GALNTL5: variants seen among roughly 807,000 people sequenced by gnomAD.
The protein encoded by GALNTL5 is inactive polypeptide N-acetylgalactosaminyltransferase-like protein 5.
Under a neutral mutation model 51.0 loss-of-function variants are expected in GALNTL5, and 44 were observed. The ratio of observed to expected loss-of-function variants is 0.86; its 90% CI spans 0.68 to 1.11. The LOEUF (loss-of-function observed/expected upper bound fraction) is 1.11. Among genes scored for constraint, GALNTL5 ranks in the 50% least tolerant of loss-of-function variants. The probability of loss-of-function intolerance (pLI) is 0.00; values close to 1 mark genes in which losing one functional copy is unlikely to be tolerated. For missense variants in GALNTL5, 528 were observed against 531.8 expected (o/e 0.99, Z 0.07); for synonymous variants, 192 against 182.8 (o/e 1.05, Z -0.41).
At chr7:151,967,113 T>A (rs2081070058) in intron 1 of GALNTL5, 95 bp from the exon 2 acceptor site, 2 of 730,194 alleles carry the variant, frequency 2.7e-6, no homozygotes, top group African/African-American at 3.5e-5. Flanking sequence ...AACGTGATTG[T>A]TTTTAAAACA....
chr7:151,958,049 C>T (rs1319983712), intron 1 of GALNTL5, among the ~76,000 whole-genome samples: 1 of 152,112 alleles, frequency 6.6e-6, no homozygotes. Context: ...GAGAATTCCC[C>T]CCAAGTTTTC....
intron 6 of GALNTL5, among the ~76,000 whole-genome samples, chr7:152,005,013 C>T (rs1244746192): frequency 2.0e-5 from 3 of 152,138 alleles, no homozygotes; most frequent in African/African-American, 7.2e-5. Context: ...ACTTTTAGTT[C>T]GTTGAGAAAT....
intron 2 of GALNTL5, among the ~76,000 whole-genome samples, chr7:151,968,469 G>A (rs1020969762): frequency 1.3e-5 from 2 of 152,094 alleles, no homozygotes; most frequent in African/African-American, 4.8e-5. Context: ...GGTAGGTGTG[G>A]GCCTGAAACC....
intron 7 of GALNTL5, 108 bp downstream of exon 7, chr7:152,008,052 C>T: frequency 1.5e-6 from 1 of 677,836 alleles, no homozygotes; most frequent in Non-Finnish European, 2.6e-6. Flanking sequence ...CATCCAGTAC[C>T]ATTCCAGCAG....
At chr7:151,976,315 C>A (rs2081204199) in intron 3 of GALNTL5, among the ~76,000 whole-genome samples, 1 of 152,236 alleles carries the variant, frequency 6.6e-6, no homozygotes, top group Non-Finnish European at 1.5e-5. Context: ...ATATTACCAA[C>A]TGGCAATATA....
intron 5 of GALNTL5, among the ~76,000 whole-genome samples, chr7:151,996,203 T>A (rs7800369): frequency 1.7e-4 from 26 of 151,944 alleles, no homozygotes; most frequent in South Asian, 6.2e-4. Flanking sequence ...TCTTTTTTTT[T>A]AATTTTATTT....
chr7:151,978,063 T>C (rs546538352), intron 3 of GALNTL5, among the ~76,000 whole-genome samples: 1 of 152,282 alleles, frequency 6.6e-6, no homozygotes, highest in South Asian at 2.1e-4. Flanking sequence ...TTCATTTTTA[T>C]TTCTTTTGGT....
chr7:151,974,413 G>A (rs1432559970), intron 3 of GALNTL5, among the ~76,000 whole-genome samples: 1 of 152,046 alleles, frequency 6.6e-6, no homozygotes, highest in Non-Finnish European at 1.5e-5. Flanking sequence ...AGACAAAAAG[G>A]GCCAATATTC....
chr7:151,974,980 A>G (rs976646024), intron 3 of GALNTL5, among the ~76,000 whole-genome samples: 2 of 152,212 alleles, frequency 1.3e-5, no homozygotes, highest in Admixed American at 1.3e-4. Flanking sequence ...AACTACCACT[A>G]TCTGGAGTCC....
intron 2 of GALNTL5, among the ~76,000 whole-genome samples, chr7:151,969,563 G>A (rs1287899154): frequency 2.0e-5 from 3 of 151,840 alleles, no homozygotes; most frequent in Admixed American, 6.6e-5. Flanking sequence ...ATCCCTCCCC[G>A]GTTCCTCATA....
intron 3 of GALNTL5, among the ~76,000 whole-genome samples, chr7:151,981,283 T>C (rs2081282184): frequency 6.6e-6 from 1 of 152,204 alleles, no homozygotes; most frequent in Admixed American, 6.5e-5. Context: ...AATCATGTAA[T>C]GCGCCTTCTA....
intron 5 of GALNTL5, among the ~76,000 whole-genome samples, chr7:151,988,486 A>G (rs2081388338): frequency 6.6e-6 from 1 of 152,172 alleles, no homozygotes; most frequent in South Asian, 2.1e-4. Context: ...GAATGGAAGG[A>G]CAAAAGAAAA....
intron 7 of GALNTL5, among the ~76,000 whole-genome samples, chr7:152,012,438 A>G (rs528723916): frequency 8.8e-3 from 133 of 15,146 alleles, no homozygotes; most frequent in African/African-American, 0.042. Context: ...AGAGAAGGGA[A>G]TGCTATACTC....
intron 7 of GALNTL5, among the ~76,000 whole-genome samples, chr7:152,012,881 C>T (rs560046630): frequency 1.3e-5 from 2 of 152,106 alleles, no homozygotes; most frequent in African/African-American, 4.8e-5. Flanking sequence ...GCATGAGAAT[C>T]GCTTGAACCT....
intron 3 of GALNTL5, among the ~76,000 whole-genome samples, chr7:151,973,300 CAA>C (rs150890373): frequency 8.4e-5 from 11 of 130,562 alleles, no homozygotes; most frequent in African/African-American, 1.7e-4. Context: ...ACTAAAAATA[CAA>C]AAAAAAAAAA....
chr7:151,968,307 AT>A (rs1315715437), intron 2 of GALNTL5, among the ~76,000 whole-genome samples: 11 of 152,210 alleles, frequency 7.2e-5, no homozygotes, highest in African/African-American at 2.7e-4. Context: ...TCAAAAAAAA[AT>A]AAATAAATAA....
At chr7:152,014,333 C>T (rs1330090905) in intron 7 of GALNTL5, among the ~76,000 whole-genome samples, 3 of 152,176 alleles carry the variant, frequency 2.0e-5, no homozygotes, top group African/African-American at 2.4e-5. Context: ...TGCAGTGGCA[C>T]GACCTCGGCT....
At chr7:151,969,995 A>G (rs936252655) in intron 2 of GALNTL5, among the ~76,000 whole-genome samples, 285 of 149,540 alleles carry the variant, frequency 1.9e-3, no homozygotes, top group African/African-American at 6.9e-3. Flanking sequence ...TATTTTTAGG[A>G]GAGACGGGGT....
intron 6 of GALNTL5, among the ~76,000 whole-genome samples, chr7:152,004,016 T>TA (rs1414881906): frequency 6.6e-6 from 1 of 152,100 alleles, no homozygotes; most frequent in Non-Finnish European, 1.5e-5. Flanking sequence ...TAAATATCCT[T>TA]ATTCTTTGAT....
Sources: gnomAD v4.1 joint callset for allele counts (sites outside exome capture counted in the v4.1 genomes callset) on GRCh38, gnomAD v4.1.1 for gene constraint, MANE v1.5 for transcripts, NCBI Gene and HGNC (gene_info 2026-07-23, HGNC 2026-07-21) for gene names.